Variants in BRD10 observed in about 807,000 individuals in gnomAD.
BRD10 encodes bromodomain containing 10, also known as uncharacterized bromodomain-containing protein 10.
chr9:6,007,757 C>T, the BRD10 span: 24 of 1,581,200 alleles, frequency 1.5e-5, no homozygotes, highest in Non-Finnish European at 3.4e-6. Context: ...CCAGCCGGCT[C>T]CATCGCTCCC....
At chr9:5,909,162 G>C in the BRD10 span, 1 of 154,200 alleles carries the variant, frequency 6.5e-6, no homozygotes, top group African/African-American at 2.4e-5. Context: ...TTAAGACAAA[G>C]GGTTGACTGG....
At chr9:5,984,791 C>T in the BRD10 span, among the ~76,000 whole-genome samples, 2 of 151,642 alleles carry the variant, frequency 1.3e-5, no homozygotes, top group Admixed American at 6.6e-5. Flanking sequence ...AAAATGTGCA[C>T]ACTGAAAACT....
chr9:5,901,479 T>C, the BRD10 span, among the ~76,000 whole-genome samples: 8 of 152,228 alleles, frequency 5.3e-5, no homozygotes, highest in Admixed American at 5.2e-4. Flanking sequence ...ATCTTGCAAA[T>C]TTCTTCTTTA....
the BRD10 span, among the ~76,000 whole-genome samples, chr9:5,960,754 C>A: frequency 1 from 151,564 of 152,182 alleles, 75,474 homozygotes; most frequent in South Asian, 1. Flanking sequence ...AATTCATTTT[C>A]GCCAACTCTA....
the BRD10 span, among the ~76,000 whole-genome samples, chr9:5,926,459 C>T: frequency 6.6e-6 from 1 of 152,178 alleles, no homozygotes; most frequent in Admixed American, 6.5e-5. Context: ...AGGCATGCAC[C>T]ACCATACCTG....
chr9:5,945,253 A>C, the BRD10 span, among the ~76,000 whole-genome samples: 1 of 152,094 alleles, frequency 6.6e-6, no homozygotes, highest in African/African-American at 2.4e-5. Flanking sequence ...ATTAACTTTC[A>C]GCCCAGAATG....
At chr9:5,922,344 C>T in the BRD10 span, 2 of 1,613,850 alleles carry the variant, frequency 1.2e-6, no homozygotes, top group African/African-American at 2.7e-5. Flanking sequence ...GAGAATGTGG[C>T]TGCTGAAACT....
At chr9:5,940,623 AT>A in the BRD10 span, among the ~76,000 whole-genome samples, 1 of 152,192 alleles carries the variant, frequency 6.6e-6, no homozygotes, top group African/African-American at 2.4e-5. Context: ...TGCTGGACAT[AT>A]GGATTTTTTC....
chr9:5,906,601 T>C, the BRD10 span, among the ~76,000 whole-genome samples: 6 of 152,254 alleles, frequency 3.9e-5, no homozygotes, highest in African/African-American at 1.4e-4. Context: ...CTTCTTATCC[T>C]TCCCTTCAGA....
At chr9:5,934,979 C>A in the BRD10 span, among the ~76,000 whole-genome samples, 15 of 152,054 alleles carry the variant, frequency 9.9e-5, no homozygotes, top group South Asian at 6.2e-4. Context: ...TACTGCTTAC[C>A]TACAGAAACT....
chr9:5,921,279 C>G, the BRD10 span: 1 of 1,614,000 alleles, frequency 6.2e-7, no homozygotes. Context: ...CCAATTTTCA[C>G]ATCCTTTATC....
chr9:5,958,082 C>T, the BRD10 span, among the ~76,000 whole-genome samples: 1 of 152,208 alleles, frequency 6.6e-6, no homozygotes, highest in East Asian at 1.9e-4. Flanking sequence ...GAGCCTAAAA[C>T]AGAAAGTGTC....
the BRD10 span, among the ~76,000 whole-genome samples, chr9:5,966,330 A>T: frequency 2.0e-3 from 298 of 152,204 alleles, 5 homozygotes; most frequent in East Asian, 0.049. Context: ...TGAGCATATG[A>T]ACAGAAGTGT....
the BRD10 span, chr9:5,921,812 G>T: frequency 6.2e-7 from 1 of 1,614,026 alleles, no homozygotes; most frequent in East Asian, 2.2e-5. Flanking sequence ...CTTCAAGGGA[G>T]AAGAGGGCAT....
chr9:5,906,548 T>C, the BRD10 span, among the ~76,000 whole-genome samples: 3 of 152,254 alleles, frequency 2.0e-5, no homozygotes, highest in Admixed American at 6.5e-5. Context: ...TGCTTCACTA[T>C]TGATGGATAA....
chr9:5,908,943 A>C, the BRD10 span: 1 of 498,880 alleles, frequency 2.0e-6, no homozygotes, highest in East Asian at 3.4e-5. Flanking sequence ...AATGCATGAT[A>C]CTATCTGTGC....
the BRD10 span, among the ~76,000 whole-genome samples, chr9:5,983,455 A>T: frequency 1.3e-5 from 2 of 151,420 alleles, no homozygotes; most frequent in East Asian, 3.8e-4. Flanking sequence ...AAGAAGCAAA[A>T]GAATATAACT....
the BRD10 span, chr9:6,007,386 TC>T: frequency 6.2e-7 from 1 of 1,611,396 alleles, no homozygotes. Context: ...ACATGCCCTG[TC>T]CGGGCTGCTG....
chr9:5,921,159 C>G, the BRD10 span: 2 of 1,613,730 alleles, frequency 1.2e-6, no homozygotes, highest in African/African-American at 1.3e-5. Context: ...AAAATATAGC[C>G]CTTGCTACTT....
Sources: allele counts gnomAD v4.1 joint callset (sites outside exome capture counted in the v4.1 genomes callset), GRCh38; gene constraint gnomAD v4.1.1; transcripts MANE v1.5; gene names NCBI Gene and HGNC (gene_info 2026-07-23, HGNC 2026-07-21).